The following FSIP1 variants were observed in gnomAD, a reference collection of about 807,000 sequenced individuals.
FSIP1 encodes fibrous sheath-interacting protein 1.
FSIP1 carries 65 observed loss-of-function variants against 60.9 expected under a neutral mutation model. The observed-to-expected ratio is 1.07, with a 90% confidence interval of 0.87 to 1.31. The LOEUF is 1.31. Among genes scored for constraint, FSIP1 ranks in the 40% most tolerant of loss-of-function variants. FSIP1 has a pLI of 0.00. For synonymous variants in FSIP1, 209 were observed against 221.2 expected (o/e 0.94, Z 0.49); for missense variants, 675 against 665.5 (o/e 1.01, Z -0.16).
intron 10 of FSIP1, among the ~76,000 whole-genome samples, chr15:39,639,819 G>A (rs1892286489): frequency 6.6e-6 from 1 of 152,090 alleles, no homozygotes; most frequent in Non-Finnish European, 1.5e-5. Flanking sequence ...TTAACAATCT[G>A]TAAAAGGAAA....
At chr15:39,753,900 T>C (rs1377268392) in intron 5 of FSIP1, among the ~76,000 whole-genome samples, 1 of 151,998 alleles carries the variant, frequency 6.6e-6, no homozygotes, top group Non-Finnish European at 1.5e-5. Context: ...ATAAATATGA[T>C]GGGCTAAACA....
chr15:39,767,523 C>T (rs2140712612), intron 3 of FSIP1, among the ~76,000 whole-genome samples: 1 of 152,326 alleles, frequency 6.6e-6, no homozygotes, highest in South Asian at 2.1e-4. Context: ...TAAGTGAGAA[C>T]AGGCACTCCT....
At chr15:39,776,619 G>T in intron 1 of FSIP1, 88 bp from the exon 2 acceptor site, 1 of 1,200,508 alleles carries the variant, frequency 8.3e-7, no homozygotes, top group Non-Finnish European at 1.2e-6. Flanking sequence ...TTACTCAGAG[G>T]CTTTGTTTTA....
Position 39,764,038 on chromosome 15 carries a change from T to G in FSIP1, c.466-124A>C. 3 of 588,740 alleles carry G rather than the reference T, an allele frequency of 5.1e-6. No homozygotes were observed. The South Asian group carries it at 6.8e-5, about 13-fold the overall frequency. The allele number at this position is 588,740 out of a possible 1,614,324, so 36.5% of individuals were successfully genotyped here. A position where few individuals can be genotyped will look rare whatever the true frequency, so the allele number is the denominator to read the frequency against. On this transcript the variant is annotated intron_variant, in intron 4 of 11. Transcript: ENST00000350221. ...AACGAGAAGTCTCAGGCTATTTTTT[T>G]TTTTGAGGAAATCTGTAAATCTCCT...
intron 3 of FSIP1, among the ~76,000 whole-genome samples, chr15:39,770,142 T>A (rs1897830326): frequency 6.6e-6 from 1 of 152,064 alleles, no homozygotes; most frequent in African/African-American, 2.4e-5. Flanking sequence ...AATCAATAAA[T>A]TGCATCAAAA....
chr15:39,757,851 T>C (rs1380856813), intron 5 of FSIP1, among the ~76,000 whole-genome samples: 2 of 152,150 alleles, frequency 1.3e-5, no homozygotes, highest in African/African-American at 4.8e-5. Context: ...CACCTAACAG[T>C]ATCTTGTATT....
rs1028300798 is a variant in FSIP1, at chr15:39,600,158, T to C, written c.*722A>G. 4 of 152,254 alleles carry C rather than the reference T, an allele frequency of 2.6e-5. No homozygotes were observed. The highest frequency in any genetic ancestry group is 4.8e-5 in the African/African-American group (2 of 41,464). 9.4% of individuals were successfully genotyped at this position (152,254 alleles called of 1,614,324 possible). Reference sequence around the variant, plus strand: ...TATGGAATGTCAACACAAAATTTTCTCATGAATCTAAGTTACTGACTTGTA... The same window carrying C: ...TATGGAATGTCAACACAAAATTTTCCCATGAATCTAAGTTACTGACTTGTA... On this transcript the variant is annotated 3_prime_UTR_variant, in exon 12 of 12. Transcript: ENST00000350221.
intron 8 of FSIP1, among the ~76,000 whole-genome samples, chr15:39,737,451 C>T (rs1896651914): frequency 6.6e-6 from 1 of 152,104 alleles, no homozygotes; most frequent in South Asian, 2.1e-4. Context: ...TACCACAAAA[C>T]CAGTTTAGGG....
chr15:39,600,780 T>C lies in FSIP1; in HGVS notation c.*100A>G. ...TCCAAATGTCAAAATCAATAAAGAA[T>C]AGTCTCTGCAGTGCATTCATTGAAT... On this transcript the variant is annotated 3_prime_UTR_variant, in exon 12 of 12. Transcript: ENST00000350221. The C allele has an allele frequency of 2.5e-6, 2 of 809,608 alleles. No individual in the cohort carries two copies. The highest frequency in any genetic ancestry group is 1.9e-5 in the South Asian group (1 of 52,058). The allele number at this position is 809,608 out of a possible 1,614,324, so 50.2% of individuals were successfully genotyped here.
chr15:39,603,383 C>G (rs1023006267), intron 11 of FSIP1, among the ~76,000 whole-genome samples: 2 of 152,206 alleles, frequency 1.3e-5, no homozygotes, highest in African/African-American at 2.4e-5. Flanking sequence ...TGGAACCAAG[C>G]TGCTAATCTG....
At chr15:39,641,791 C>T (rs543794857) in intron 10 of FSIP1, among the ~76,000 whole-genome samples, 1 of 152,290 alleles carries the variant, frequency 6.6e-6, no homozygotes, top group South Asian at 2.1e-4. Flanking sequence ...CCTCACTACC[C>T]ATATCCTAGA....
At chr15:39,746,504 A>T (rs929675389) in intron 5 of FSIP1, among the ~76,000 whole-genome samples, 1 of 152,232 alleles carries the variant, frequency 6.6e-6, no homozygotes, top group African/African-American at 2.4e-5. Context: ...TTTTAAAAGC[A>T]TGCAGATGGA....
At position 39,738,127 on chromosome 15, in the gene FSIP1, G is replaced by T. The variant is rs576460032; in HGVS notation, c.855C>A (p.Asp285Glu). 5.6e-6 allele frequency: 9 copies of T among 1,612,982 alleles called. No individual in the cohort carries two copies. The highest frequency in any genetic ancestry group is 7.6e-6 in the Non-Finnish European group (9 of 1,179,474). ...EKKRLVELLK[D>E]LDEKDSGLSS... ...AGAGCCCGGAATCTTTCTCATCCAA[G>T]TCCTTCAAAAGCTCAACCAGCCTTT... The change falls in exon 8 of 12, where the codon GAC becomes GAA. Residue 285 changes from aspartate (D) to glutamate (E), a missense_variant. Transcript: ENST00000350221.
chr15:39,664,881 A>T (rs1893436295), intron 10 of FSIP1, among the ~76,000 whole-genome samples: 1 of 152,128 alleles, frequency 6.6e-6, no homozygotes, highest in African/African-American at 2.4e-5. Flanking sequence ...CCTCCTCTCT[A>T]ACTGTAAAAA....
rs1230581322 is a variant in FSIP1 at position 39,738,197 on chromosome 15, G to T, written c.785C>A (p.Ala262Asp). 2 of 1,593,604 alleles carry T rather than the reference G, an allele frequency of 1.3e-6. No individual in the cohort carries two copies. Among genetic ancestry groups the T allele is most frequent in the East Asian group, 2.2e-5 (1 of 44,736 alleles). Residue 262 changes from alanine (A) to aspartate (D), a missense_variant, in exon 8 of 12, where the codon GCC (alanine) becomes GAC (aspartate). Physicochemically the swap from Ala to Asp is moderately radical, Grantham distance 126. Transcript: ENST00000350221. Reference protein sequence around the residue: ...QDFIKRNIELAKESRNPVVMV... With the variant: ...QDFIKRNIELDKESRNPVVMV... ...AACCACTGGGTTTCTTGATTCCTTG[G>T]CCAACTACAGAATTTATTAATGGAA... is the stretch of plus-strand genomic sequence containing the variant.
intron 10 of FSIP1, among the ~76,000 whole-genome samples, chr15:39,700,621 C>T: frequency 6.6e-6 from 1 of 152,234 alleles, no homozygotes; most frequent in Non-Finnish European, 1.5e-5. Flanking sequence ...GAGAAAATTA[C>T]TACAAACATA....
At chr15:39,679,604 A>T (rs1894079588) in intron 10 of FSIP1, among the ~76,000 whole-genome samples, 1 of 152,168 alleles carries the variant, frequency 6.6e-6, no homozygotes, top group Non-Finnish European at 1.5e-5. Context: ...CCTGTCTCTG[A>T]AAACAAAATA....
At chr15:39,725,271 A>G (rs1896145856) in intron 9 of FSIP1, among the ~76,000 whole-genome samples, 1 of 152,196 alleles carries the variant, frequency 6.6e-6, no homozygotes, top group South Asian at 2.1e-4. Context: ...CATTTGAGTG[A>G]AGACAAAGAT....
chr15:39,772,380 C>A (rs1203696184), intron 2 of FSIP1, among the ~76,000 whole-genome samples: 1 of 149,490 alleles, frequency 6.7e-6, no homozygotes, highest in African/African-American at 2.5e-5. Context: ...GCAGCCTCGA[C>A]CTCCTGGGCT....
Sources: gnomAD v4.1 joint callset for allele counts (sites outside exome capture counted in the v4.1 genomes callset) on GRCh38, gnomAD v4.1.1 for gene constraint, MANE v1.5 for transcripts, NCBI Gene and HGNC (gene_info 2026-07-23, HGNC 2026-07-21) for gene names.